OSMR: variants seen among roughly 807,000 people sequenced by gnomAD.
OSMR encodes oncostatin M receptor.
In OSMR, 81 loss-of-function variants were observed where a neutral mutation model predicts 99.9. The ratio of observed to expected loss-of-function variants is 0.81; its 90% CI spans 0.68 to 0.97. OSMR has a LOEUF of 0.97. Ranked by LOEUF, OSMR falls within the 50% of genes least tolerant of loss-of-function variation. OSMR has a pLI of 0.00. For missense variants in OSMR, 1,099 were observed against 1,153.4 expected, an observed-to-expected ratio of 0.95 and a Z score of 0.68; for synonymous variants, 406 against 410.4, an observed-to-expected ratio of 0.99 and a Z score of 0.13.
chr5:38,902,939 C>T (rs890794962), intron 7 of OSMR, among the ~76,000 whole-genome samples: 1 of 152,196 alleles, frequency 6.6e-6, no homozygotes, highest in African/African-American at 2.4e-5. Context: ...AGCCACCTCA[C>T]CCACATTCTC....
downstream of OSMR, among the ~76,000 whole-genome samples, chr5:38,936,487 A>G (rs181540842): frequency 6.6e-6 from 1 of 152,326 alleles, no homozygotes; most frequent in Admixed American, 6.5e-5. Flanking sequence ...TCGACAATTC[A>G]AGATGGGAGT....
In OSMR at chr5:38,933,427, G is replaced by T; in HGVS notation, c.2923G>T (p.Gly975Cys). The T allele has an allele frequency of 6.2e-7, 1 of 1,614,038 alleles. No individual in the cohort carries two copies. The highest frequency in any genetic ancestry group is 8.5e-7 in the Non-Finnish European group (1 of 1,179,992). ...SLSSITLLDP[G>C]EHYC ...CTCCTCAATTACCCTTTTAGATCCAGGTGAACACTACTGCTAACCAGCATG... is the reference window on the plus strand; with the variant it reads ...CTCCTCAATTACCCTTTTAGATCCATGTGAACACTACTGCTAACCAGCATG... The change falls in exon 18 of 18, where the codon GGT becomes TGT. Residue 975 changes from glycine to cysteine, a missense_variant. Transcript: ENST00000274276.
At chr5:38,847,191 T>C (rs1739914539) in intron 1 of OSMR, among the ~76,000 whole-genome samples, 1 of 152,228 alleles carries the variant, frequency 6.6e-6, no homozygotes, top group African/African-American at 2.4e-5. Flanking sequence ...TTAGGTTTTA[T>C]TCCCAAGATT....
chr5:38,930,845 TC>T (rs1746695572), intron 15 of OSMR, among the ~76,000 whole-genome samples: 1 of 152,212 alleles, frequency 6.6e-6, no homozygotes, highest in East Asian at 1.9e-4. Context: ...AAATAATTAT[TC>T]TTGACTACAA....
chr5:38,849,369 T>G (rs1740172717), intron 1 of OSMR, among the ~76,000 whole-genome samples: 1 of 152,240 alleles, frequency 6.6e-6, no homozygotes, highest in Non-Finnish European at 1.5e-5. Flanking sequence ...TCATCTTTTT[T>G]CCAACTCATT....
chr5:38,944,975 C>T (rs1389430810), exon 3 of OSMR: 2 of 1,613,950 alleles, frequency 1.2e-6, no homozygotes, highest in Non-Finnish European at 1.7e-6. Flanking sequence ...CCCATCACTG[C>T]ATCCAGAAAT....
chr5:38,862,526 G>A (rs1405540096), intron 1 of OSMR, among the ~76,000 whole-genome samples: 1 of 151,014 alleles, frequency 6.6e-6, no homozygotes, highest in African/African-American at 2.4e-5. Context: ...TCTCAGACGG[G>A]GCAGTTGCCG....
intron 7 of OSMR, among the ~76,000 whole-genome samples, chr5:38,897,606 A>G (rs1744603567): frequency 1.3e-5 from 2 of 151,352 alleles, no homozygotes; most frequent in Admixed American, 1.3e-4. Context: ...GGTCTTTTGT[A>G]TTGCTTTCTT....
At chr5:38,913,601 A>AT (rs1745731738) in intron 9 of OSMR, among the ~76,000 whole-genome samples, 1 of 152,054 alleles carries the variant, frequency 6.6e-6, no homozygotes, top group Non-Finnish European at 1.5e-5. Context: ...TTCTGAAGAC[A>AT]TACAAGCAGC....
chr5:38,858,283 A>G lies in OSMR; in HGVS notation c.-13-10749A>G, dbSNP rs2112103099. 1.3e-5 allele frequency among the ~76,000 whole-genome samples: 2 copies of G among 150,102 alleles called. 1 individual carries two copies. The highest frequency in any genetic ancestry group is 4.2e-4 in the South Asian group (2 of 4,736). Reference sequence around the variant, plus strand: ...TCCTAACCCTTTTCAGCCTCAGGTAACCATCATTCTATCTTCTATTTCCAT... The same window carrying G: ...TCCTAACCCTTTTCAGCCTCAGGTAGCCATCATTCTATCTTCTATTTCCAT... On this transcript the variant is annotated intron_variant, in intron 1 of 17. Coordinates refer to ENST00000274276, the MANE Select transcript of OSMR (RefSeq NM_003999.3).
intron 6 of OSMR, among the ~76,000 whole-genome samples, 169 bp downstream of exon 6, chr5:38,885,653 T>G (rs889407006): frequency 5.3e-5 from 8 of 152,244 alleles, no homozygotes; most frequent in African/African-American, 1.9e-4. Context: ...GTCTAATACT[T>G]TCTACCTGAG....
intron 1 of OSMR, among the ~76,000 whole-genome samples, chr5:38,863,866 G>A (rs1741713854): frequency 6.6e-6 from 1 of 152,078 alleles, no homozygotes; most frequent in Non-Finnish European, 1.5e-5. Flanking sequence ...CATATATTTG[G>A]TATTTTTTAG....
At chr5:38,868,605 C>T (rs577204804) in intron 1 of OSMR, among the ~76,000 whole-genome samples, 183 of 152,326 alleles carry the variant, frequency 1.2e-3, no homozygotes, top group Non-Finnish European at 1.2e-4. Flanking sequence ...TTTTCACCTC[C>T]TGCCATGATT....
intron 9 of OSMR, among the ~76,000 whole-genome samples, chr5:38,910,294 G>T (rs949537032): frequency 1.3e-5 from 2 of 152,074 alleles, no homozygotes; most frequent in African/African-American, 4.8e-5. Flanking sequence ...TCAACATTTT[G>T]CTGACAGTAT....
Position 38,903,918 on chromosome 5 carries a change from A to G in OSMR, c.1028A>G (p.Asn343Ser). The G allele has an allele frequency of 6.2e-7, 1 of 1,613,468 alleles. No homozygotes were observed. Among genetic ancestry groups the G allele is most frequent in the Non-Finnish European group, 8.5e-7 (1 of 1,179,856 alleles). Residue 343 changes from asparagine to serine, a missense_variant, in exon 8 of 18, where the codon AAT (asparagine) becomes AGT (serine). Coordinates refer to ENST00000274276, the MANE Select transcript of OSMR (RefSeq NM_003999.3). ...AATCCTTTTAGTGTCAACTTTGAAA[A>G]TGTAAATGCCACAAATGCCATCATG... is the stretch of plus-strand genomic sequence containing the variant. Reference protein sequence around the residue: ...LMNPFSVNFENVNATNAIMTW... With the variant: ...LMNPFSVNFESVNATNAIMTW...
At chr5:38,847,671 TCA>T (rs1739978510) in intron 1 of OSMR, among the ~76,000 whole-genome samples, 2 of 144,436 alleles carry the variant, frequency 1.4e-5, no homozygotes, top group African/African-American at 5.2e-5. Context: ...CAGGAAATAC[TCA>T]GTTTGTTTTC....
rs1744117277 is a variant in OSMR at position 38,890,967 on chromosome 5, C to T, written c.991+4777C>T. Among the ~76,000 whole-genome samples, 2 of 152,164 alleles carry T rather than the reference C, an allele frequency of 1.3e-5. 1 individual carries two copies. Among genetic ancestry groups the T allele is most frequent in the South Asian group, 4.1e-4 (2 of 4,826 alleles). On this transcript the variant is annotated intron_variant, in intron 7 of 17. Coordinates refer to ENST00000274276, the MANE Select transcript of OSMR (RefSeq NM_003999.3). ...GAATCCCATTCTATTTGCTCTTAAT[C>T]TCTCCAGACCAAATGAATCCTATAA... is the stretch of plus-strand genomic sequence containing the variant.
intron 1 of OSMR, among the ~76,000 whole-genome samples, chr5:38,852,357 A>G (rs956300057): frequency 1.3e-5 from 2 of 152,248 alleles, no homozygotes; most frequent in African/African-American, 4.8e-5. Flanking sequence ...AGAAATACAC[A>G]TAGAATTTTA....
chr5:38,932,511 C>T lies in OSMR; in HGVS notation c.2343C>T (p.Ser781=). The T allele has an allele frequency of 6.2e-7, 1 of 1,613,696 alleles. No individual in the cohort carries two copies. Residue 781 remains serine, a synonymous_variant, in exon 17 of 18, where the codon AGC becomes AGT. Coordinates refer to ENST00000274276, the MANE Select transcript of OSMR (RefSeq NM_003999.3). ...YPDIPDPYKS[S]ILSLIKFKEN... is the part of the protein sequence containing the mutation. Reference sequence around the variant, plus strand: ...ACATCCCTGACCCTTACAAGAGCAGCATCCTGTCATTAATAAAATTCAAGG... The same window carrying T: ...ACATCCCTGACCCTTACAAGAGCAGTATCCTGTCATTAATAAAATTCAAGG...
Sources: allele counts gnomAD v4.1 joint callset (sites outside exome capture counted in the v4.1 genomes callset), GRCh38; gene constraint gnomAD v4.1.1; transcripts MANE v1.5; gene names NCBI Gene and HGNC (gene_info 2026-07-23, HGNC 2026-07-21).